The following DCUN1D4 variants were observed in gnomAD, a reference collection of about 807,000 sequenced individuals.
DCUN1D4 encodes the protein DCN1-like protein 4.
A neutral mutation model predicts 47.9 loss-of-function variants in DCUN1D4; 22 were observed. The ratio of observed to expected loss-of-function variants is 0.46; its 90% CI spans 0.33 to 0.66. The LOEUF (loss-of-function observed/expected upper bound fraction) is 0.66. DCUN1D4 is among the 30% of genes least tolerant of loss of function. The probability of loss-of-function intolerance (pLI) is 0.02; values close to 1 mark genes in which losing one functional copy is unlikely to be tolerated. For synonymous variants in DCUN1D4, 121 were observed against 112.2 expected (o/e 1.08, Z -0.50); for missense variants, 301 against 340.8 (o/e 0.88, Z 0.92).
chr4:51,838,521 A>T (rs1052662936), upstream of DCUN1D4, among the ~76,000 whole-genome samples: 1 of 152,016 alleles, frequency 6.6e-6, no homozygotes, highest in African/African-American at 2.4e-5. Context: ...AGCTAGGATT[A>T]CAGGCAGCTG....
the DCUN1D4 span, among the ~76,000 whole-genome samples, chr4:51,834,219 G>A: frequency 6.8e-6 from 1 of 146,102 alleles, no homozygotes; most frequent in East Asian, 2.0e-4. Flanking sequence ...ACAAGGATCT[G>A]AGGGAATGAG....
chr4:51,871,132 TA>T (rs397954672), intron 3 of DCUN1D4, among the ~76,000 whole-genome samples: 403 of 139,216 alleles, frequency 2.9e-3, no homozygotes, highest in Middle Eastern at 3.8e-3. Flanking sequence ...GTGGAGAGAT[TA>T]AAAAAAAAAA....
Position 51,916,018 on chromosome 4 carries a change from T to A in DCUN1D4, c.*2434T>A, listed in dbSNP as rs1009015028. ...GAAAAAGGGGTCAGACAGAGTAATA[T>A]GATACATTTTCTTAAAAACTTCTCT... On this transcript the variant is annotated 3_prime_UTR_variant, in exon 11 of 11. Transcript: ENST00000334635. 2 of 152,082 alleles carry A rather than the reference T, an allele frequency of 1.3e-5. No homozygotes were observed. The highest frequency in any genetic ancestry group is 6.6e-5 in the Admixed American group (1 of 15,256). 9.4% of individuals were successfully genotyped at this position (152,082 alleles called of 1,614,324 possible). A position where few individuals can be genotyped will look rare whatever the true frequency, so the allele number is the denominator to read the frequency against.
chr4:51,835,327 AATGTCT>A, the DCUN1D4 span, among the ~76,000 whole-genome samples: 1 of 152,212 alleles, frequency 6.6e-6, no homozygotes. Flanking sequence ...GTTTTACAAA[AATGTCT>A]ACCTCTTGGG....
At chr4:51,842,093 T>C (rs547441644), upstream of DCUN1D4, among the ~76,000 whole-genome samples, 12 of 152,292 alleles carry the variant, frequency 7.9e-5, no homozygotes, top group African/African-American at 2.6e-4. Context: ...AGGGCAGGAC[T>C]CATGGAAATG....
chr4:51,859,932 C>T (rs1194160334), intron 1 of DCUN1D4, among the ~76,000 whole-genome samples: 2 of 152,062 alleles, frequency 1.3e-5, no homozygotes, highest in African/African-American at 4.8e-5. Context: ...TTTTATCAAT[C>T]AGTGCTTTCC....
intron 1 of DCUN1D4, 23 bp from the exon 2 acceptor site, chr4:51,863,414 C>A: frequency 1.3e-6 from 2 of 1,569,030 alleles, no homozygotes; most frequent in South Asian, 2.3e-5. Context: ...ATGACGCTGA[C>A]ATTTTTCCTT....
At chr4:51,896,964 C>T (rs1278115032) in intron 7 of DCUN1D4, among the ~76,000 whole-genome samples, 1 of 152,196 alleles carries the variant, frequency 6.6e-6, no homozygotes, top group East Asian at 1.9e-4. Flanking sequence ...TTTCCCACTT[C>T]CTCTATCCAC....
At chr4:51,853,220 C>G (rs1723630790) in intron 1 of DCUN1D4, among the ~76,000 whole-genome samples, 1 of 152,132 alleles carries the variant, frequency 6.6e-6, no homozygotes, top group South Asian at 2.1e-4. Flanking sequence ...TTGAGTCCTG[C>G]AAGAGGAAGA....
chr4:51,877,387 G>A (rs1165806265), intron 4 of DCUN1D4: 1 of 154,478 alleles, frequency 6.5e-6, no homozygotes, highest in Non-Finnish European at 1.4e-5. Context: ...AGACACAGAA[G>A]ACAGACATGA....
chr4:51,844,905 C>T, intron 1 of DCUN1D4: 3 of 985,552 alleles, frequency 3.0e-6, no homozygotes, highest in South Asian at 4.7e-5. Context: ...GCTTTATTCC[C>T]CGGCCAGCTC....
chr4:51,848,702 C>T (rs779240711), intron 1 of DCUN1D4, among the ~76,000 whole-genome samples: 1 of 152,098 alleles, frequency 6.6e-6, no homozygotes, highest in Non-Finnish European at 1.5e-5. Context: ...GAAATGCATT[C>T]TAAATAGAAT....
At chr4:51,855,523 G>A (rs1577858696) in intron 1 of DCUN1D4, among the ~76,000 whole-genome samples, 2 of 152,178 alleles carry the variant, frequency 1.3e-5, no homozygotes, top group African/African-American at 4.8e-5. Flanking sequence ...GATATTTCAG[G>A]AAAGATAGCT....
intron 8 of DCUN1D4, among the ~76,000 whole-genome samples, chr4:51,907,907 C>A (rs1196285708): frequency 3.9e-5 from 6 of 152,130 alleles, no homozygotes; most frequent in Non-Finnish European, 7.4e-5. Context: ...AAAAAATGCT[C>A]AATTGTCACC....
intron 8 of DCUN1D4, chr4:51,909,284 C>G: frequency 3.8e-6 from 1 of 265,576 alleles, no homozygotes; most frequent in South Asian, 4.1e-5. Context: ...GAAAACTCTT[C>G]CAGAGCGCCA....
intron 1 of DCUN1D4, among the ~76,000 whole-genome samples, chr4:51,852,142 C>A (rs1318152321): frequency 6.6e-6 from 1 of 152,114 alleles, no homozygotes; most frequent in Non-Finnish European, 1.5e-5. Context: ...TTCTGAGTCT[C>A]TTCTTTCCCA....
chr4:51,845,291 C>A, intron 1 of DCUN1D4: 2 of 984,804 alleles, frequency 2.0e-6, no homozygotes, highest in Non-Finnish European at 2.4e-6. Flanking sequence ...GTTGGTATTT[C>A]TTGGGGTGTT....
At chr4:51,846,382 C>A (rs1226709638) in intron 1 of DCUN1D4, among the ~76,000 whole-genome samples, 1 of 152,210 alleles carries the variant, frequency 6.6e-6, no homozygotes, top group Non-Finnish European at 1.5e-5. Flanking sequence ...GCCTCATTTT[C>A]TCTTAGTGGA....
intron 1 of DCUN1D4, chr4:51,843,557 A>T (rs1315572707): frequency 7.3e-6 from 9 of 1,227,572 alleles, no homozygotes; most frequent in Non-Finnish European, 7.1e-6. Flanking sequence ...ACGTGCGATG[A>T]AGGGCCGAGA....
Sources: allele counts gnomAD v4.1 joint callset (sites outside exome capture counted in the v4.1 genomes callset), GRCh38; gene constraint gnomAD v4.1.1; transcripts MANE v1.5; gene names NCBI Gene and HGNC (gene_info 2026-07-23, HGNC 2026-07-21).